The following GLI1 variants were observed in gnomAD, a reference collection of about 807,000 sequenced individuals.
GLI1 encodes GLI family zinc finger 1.
GLI1 carries 51 observed loss-of-function variants against 87.8 expected under a neutral mutation model. That is an observed-to-expected ratio of 0.58 (90% CI 0.46 to 0.73). GLI1 has a LOEUF of 0.73. Ranked by LOEUF, GLI1 falls within the 30% of genes least tolerant of loss-of-function variation. The probability of loss-of-function intolerance (pLI) is 0.00; values close to 1 mark genes in which losing one functional copy is unlikely to be tolerated. For synonymous variants in GLI1, 528 were observed against 558.2 expected (o/e 0.95, Z 0.76); for missense variants, 1,292 against 1,437.2 (o/e 0.90, Z 1.63).
At position 57,463,660 on chromosome 12, in the gene GLI1, T is replaced by C. The variant is rs562825493; in HGVS notation, c.-27-5T>C. 60 of 1,311,968 alleles carry C rather than the reference T, an allele frequency of 4.6e-5. 3 individuals carry two copies. In the South Asian group the frequency reaches 6.7e-4, roughly 15 times the overall value. The allele number at this position is 1,311,968 out of a possible 1,614,324, so 81.3% of individuals were successfully genotyped here. On this transcript the variant is annotated splice_region_variant and splice_polypyrimidine_tract_variant and intron_variant, in intron 1 of 11. Coordinates refer to ENST00000228682, the MANE Select transcript of GLI1 (RefSeq NM_005269.3). ...CACCTTTATACCTACCTTCCCTTTC[T>C]GCAGTGTCCCCACACCCTCCTCTGA...
Position 57,468,035 on chromosome 12 carries a change from T to C in GLI1, c.1119T>C (p.Tyr373=), listed in dbSNP as rs773386609. Residue 373 remains tyrosine (Y), a synonymous_variant, in exon 10 of 12, where the codon TAT becomes TAC. Coordinates refer to ENST00000228682, the MANE Select transcript of GLI1 (RefSeq NM_005269.3). ...VCKLPGCTKR[Y]TDPSSLRKHV... is the part of the protein sequence containing the mutation. ...AGCTCCCTGGCTGCACCAAACGCTA[T>C]ACAGATCCTAGCTCGCTGCGAAAAC... 1.2e-6 allele frequency: 2 copies of C among 1,614,234 alleles called. No individual in the cohort carries two copies. The highest frequency in any genetic ancestry group is 1.1e-5 in the South Asian group (1 of 91,088).
Position 57,464,733 on chromosome 12 carries a change from T to C in GLI1, c.254T>C (p.Ile85Thr). The change falls in exon 4 of 12, where the codon ATC (isoleucine) becomes ACC (threonine). Residue 85 changes from isoleucine to threonine, a missense_variant. This residue lies in a region of GLI1 where 383 missense variants were observed against 368.4 expected (regional missense o/e 1.04). Coordinates refer to ENST00000228682, the MANE Select transcript of GLI1 (RefSeq NM_005269.3). The stretch of plus-strand genomic sequence containing the variant: ...TTGACCAAGAAGCGGGCACTGTCCA[T>C]CTCACCTCTGTCGGATGCCAGCCTG... Reference protein sequence around the residue: ...VKLTKKRALSISPLSDASLDL... With the variant: ...VKLTKKRALSTSPLSDASLDL... 6.2e-7 allele frequency: 1 copy of C among 1,614,002 alleles called. No individual in the cohort carries two copies. The highest frequency in any genetic ancestry group is 8.5e-7 in the Non-Finnish European group (1 of 1,179,900).
Position 57,470,713 on chromosome 12 carries a change from A to G in GLI1, c.1973A>G (p.Lys658Arg), listed in dbSNP as rs1871839168. The change falls in exon 12 of 12, where the codon AAG (lysine) becomes AGG (arginine). Residue 658 changes from lysine to arginine, a missense_variant. This residue lies in a region of GLI1 where 897 missense variants were observed against 1,040.7 expected (regional missense o/e 0.86). Transcript: ENST00000228682. ...RPAPARVQRF[K>R]SLGCVHTPPT... ...GCTCCAGCTAGAGTCCAGAGGTTCA[A>G]GAGCCTGGGCTGTGTCCATACCCCA... 6.2e-7 allele frequency: 1 copy of G among 1,612,598 alleles called. No homozygotes were observed. The highest frequency in any genetic ancestry group is 8.5e-7 in the Non-Finnish European group (1 of 1,179,308).
At chr12:57,467,250 G>A in intron 8 of GLI1, 83 bp from the exon 9 acceptor site, 1 of 1,133,060 alleles carries the variant, frequency 8.8e-7, no homozygotes, top group East Asian at 2.4e-5. Flanking sequence ...TCTCTGATGT[G>A]TGTCCTGTTG....
At chr12:57,461,292 T>C (rs1406352150) in intron 1 of GLI1, among the ~76,000 whole-genome samples, 1 of 151,740 alleles carries the variant, frequency 6.6e-6, no homozygotes, top group Non-Finnish European at 1.5e-5. Flanking sequence ...TCGGAATAAG[T>C]GTGGTTTTCC....
Position 57,467,854 on chromosome 12 carries a change from C to T in GLI1, c.1078-140C>T, listed in dbSNP as rs142102454. ...TAATCTCTGCATCTTTGACTCCCAC[C>T]GGAGGCCTCCATCCTCCTTACTTCC... On this transcript the variant is annotated intron_variant, in intron 9 of 11. Transcript: ENST00000228682. The T allele has an allele frequency of 5.0e-4, 315 of 633,588 alleles. 2 individuals are homozygous for T. The highest frequency in any genetic ancestry group is 2.6e-3 in the South Asian group (142 of 53,874). The allele number at this position is 633,588 out of a possible 1,614,324, so 39.2% of individuals were successfully genotyped here.
rs2139856986 is a variant in GLI1, at chr12:57,466,400, A to G, written c.912+11A>G. On this transcript the variant is annotated intron_variant, in intron 8 of 11. Transcript: ENST00000228682. Reference sequence around the variant, plus strand: ...CCACACAAGTGCACGGTGAGGCACCAGTGTCCCAAGTCCAGGGTCTCTTCC... The same window carrying G: ...CCACACAAGTGCACGGTGAGGCACCGGTGTCCCAAGTCCAGGGTCTCTTCC... The G allele has an allele frequency of 6.2e-7, 1 of 1,604,706 alleles. No homozygotes were observed. Among genetic ancestry groups the G allele is most frequent in the East Asian group, 2.2e-5 (1 of 44,496 alleles).
chr12:57,467,753 T>A (rs1352390749), intron 9 of GLI1, among the ~76,000 whole-genome samples: 1 of 152,136 alleles, frequency 6.6e-6, no homozygotes, highest in Non-Finnish European at 1.5e-5. Flanking sequence ...CTCCAACCCC[T>A]GGATTTATGG....
Position 57,472,124 on chromosome 12 carries a change from A to C in GLI1, c.*63A>C. On this transcript the variant is annotated 3_prime_UTR_variant, in exon 12 of 12. Transcript: ENST00000228682. Reference sequence around the variant, plus strand: ...TAAGGGGTTTCTATCCTTCCAGAAAAATTGGGGGAGCTGCAGTCCCATGCA... The same window carrying C: ...TAAGGGGTTTCTATCCTTCCAGAAACATTGGGGGAGCTGCAGTCCCATGCA... The C allele has an allele frequency of 8.2e-7, 1 of 1,219,198 alleles. No homozygotes were observed. The allele number at this position is 1,219,198 out of a possible 1,614,324, so 75.5% of individuals were successfully genotyped here.
Position 57,470,533 on chromosome 12 carries a change from G to A in GLI1, c.1793G>A (p.Gly598Glu), listed in dbSNP as rs376908129. The part of the protein sequence containing the change: ...LLRARYASAR[G>E]GGTSPTAASS... ...CGGGCAAGATATGCTTCAGCCAGAG[G>A]GGGTGGTACTTCGCCCACTGCAGCA... The change falls in exon 12 of 12, where the codon GGG (glycine) becomes GAG (glutamate). Residue 598 changes from glycine to glutamate, a missense_variant. Gly to Glu is a moderately conservative substitution (Grantham distance 98). Around this residue, in one of 3 missense-constraint regions of GLI1, gnomAD observed 897 missense variants for 1,040.7 expected, o/e 0.86. Coordinates refer to ENST00000228682, the MANE Select transcript of GLI1 (RefSeq NM_005269.3). 20 of 1,613,930 alleles carry A rather than the reference G, an allele frequency of 1.2e-5. No individual in the cohort carries two copies. The African/African-American group carries it at 2.4e-4, about 19-fold the overall frequency.
At chr12:57,464,173 C>T (rs942542546) in intron 3 of GLI1, 82 bp downstream of exon 3, 3 of 934,902 alleles carry the variant, frequency 3.2e-6, no homozygotes, top group Non-Finnish European at 5.3e-6. Flanking sequence ...CAGGGGATCT[C>T]ACTTGGAGGA....
chr12:57,463,911 C>T, intron 2 of GLI1, 88 bp from the exon 3 acceptor site: 1 of 1,149,450 alleles, frequency 8.7e-7, no homozygotes, highest in Non-Finnish European at 1.3e-6. Flanking sequence ...GTCATATGGA[C>T]CTGGAATCTG....
intron 1 of GLI1, among the ~76,000 whole-genome samples, chr12:57,460,777 G>GC (rs1871087526): frequency 7.9e-5 from 12 of 151,068 alleles, no homozygotes; most frequent in Admixed American, 7.9e-4. Context: ...GGGGGCTGGG[G>GC]CGGGGGGGGG....
rs112107711 is a variant in GLI1, at chr12:57,465,047, A to G, written c.390-64A>G. 30 of 1,544,524 alleles carry G rather than the reference A, an allele frequency of 1.9e-5. No individual in the cohort carries two copies. The African/African-American group carries it at 3.8e-4, about 20-fold the overall frequency. ...ATCCCAAGTCTTCCAGAAATCCTCC[A>G]AATAGCCCAATCCTTCCTGAGACTT... On this transcript the variant is annotated intron_variant, in intron 4 of 11. Coordinates refer to ENST00000228682, the MANE Select transcript of GLI1 (RefSeq NM_005269.3).
rs775171324 is a variant in GLI1 at position 57,469,612 on chromosome 12, G to A, written c.1490G>A (p.Arg497His). The A allele has an allele frequency of 7.4e-6, 12 of 1,613,948 alleles. No individual in the cohort carries two copies. The African/African-American group carries it at 1.1e-4, about 14-fold the overall frequency. Residue 497 changes from arginine (R) to histidine (H), a missense_variant, in exon 11 of 12, where the codon CGC becomes CAC. Arg to His is a conservative substitution (Grantham distance 29). Coordinates refer to ENST00000228682, the MANE Select transcript of GLI1 (RefSeq NM_005269.3). ...IAGTGLSTLRRLENLRLDQLH... is the reference protein window; with the variant it reads ...IAGTGLSTLRHLENLRLDQLH... ...GGCACTGGTCTGTCCACTCTTCGCC[G>A]CCTTGAGAACCTCAGGCTGGACCAG...
chr12:57,466,838 A>C (rs1276273229), intron 8 of GLI1, among the ~76,000 whole-genome samples: 1 of 152,150 alleles, frequency 6.6e-6, no homozygotes, highest in African/African-American at 2.4e-5. Context: ...AAGGAGGTGG[A>C]GGTTGCAGTG....
In GLI1 at chr12:57,459,881, G is replaced by A. The variant is rs1468271877; in HGVS notation, c.-348G>A. Among the ~76,000 whole-genome samples the A allele has an allele frequency of 6.6e-6, 1 of 151,880 alleles. No homozygotes were observed. Among genetic ancestry groups the A allele is most frequent in the African/African-American group, 2.4e-5 (1 of 41,336 alleles). ...CCCTTCTCTTGCTTCCAGCTACCCC[G>A]CCTCATCCTCCAGAACGGCAAGAGG... On this transcript the variant is annotated 5_prime_UTR_variant, in exon 1 of 12. Coordinates refer to ENST00000228682, the MANE Select transcript of GLI1 (RefSeq NM_005269.3).
Position 57,471,589 on chromosome 12 carries a change from C to T in GLI1, c.2849C>T (p.Pro950Leu). Residue 950 changes from proline to leucine, a missense_variant, in exon 12 of 12, where the codon CCT becomes CTT. Coordinates refer to ENST00000228682, the MANE Select transcript of GLI1 (RefSeq NM_005269.3). The surrounding 1 kb of genome is among the most constrained non-coding windows in gnomAD (Gnocchi z 4.9). ...AAAGCTCCAGTGAACACATATGGAC[C>T]TGGCTTTGGACCCAACTTGCCCAAT... ...RAKAPVNTYG[P>L]GFGPNLPNHK... 3.1e-6 allele frequency: 5 copies of T among 1,613,900 alleles called. No individual in the cohort carries two copies. Among genetic ancestry groups the T allele is most frequent in the Non-Finnish European group, 4.2e-6 (5 of 1,179,928 alleles).
intron 10 of GLI1, 102 bp from the exon 11 acceptor site, chr12:57,469,328 TC>T: frequency 8.4e-7 from 1 of 1,192,214 alleles, no homozygotes; most frequent in Non-Finnish European, 1.2e-6. Context: ...CTTACAAGCT[TC>T]CTTGGAACCC....
Sources: gnomAD v4.1 joint callset for allele counts (sites outside exome capture counted in the v4.1 genomes callset) on GRCh38, gnomAD v4.1.1 for gene constraint, gnomAD v4.1.1 regional missense constraint, Gnocchi (gnomAD v3.1) non-coding constraint, MANE v1.5 for transcripts, NCBI Gene and HGNC (gene_info 2026-07-23, HGNC 2026-07-21) for gene names.